Variants in ELAPOR2 observed in about 807,000 individuals in gnomAD.
ELAPOR2 encodes the protein endosome-lysosome associated apoptosis and autophagy regulator family member 2, also known as endosome/lysosome-associated apoptosis and autophagy regulator family member 2.
Under a neutral mutation model 120.7 loss-of-function variants are expected in ELAPOR2, and 89 were observed. That is an observed-to-expected ratio of 0.74 (90% CI 0.62 to 0.88). The LOEUF (loss-of-function observed/expected upper bound fraction) is 0.88, where lower values mean the gene tolerates loss of function less well. Ranked by LOEUF, ELAPOR2 falls within the 40% of genes least tolerant of loss-of-function variation. ELAPOR2 has a pLI of 0.00. For synonymous variants in ELAPOR2, 444 were observed against 444.9 expected (o/e 1.00, Z 0.03); for missense variants, 1,134 against 1,251.6 (o/e 0.91, Z 1.42).
At chr7:87,036,910 A>G (rs1396488590) in intron 1 of ELAPOR2, among the ~76,000 whole-genome samples, 1 of 152,146 alleles carries the variant, frequency 6.6e-6, no homozygotes, top group African/African-American at 2.4e-5. Context: ...CAAACGTACA[A>G]ATGTACCCCA....
intron 1 of ELAPOR2, among the ~76,000 whole-genome samples, chr7:87,002,988 A>G (rs1221735120): frequency 6.6e-6 from 1 of 152,112 alleles, no homozygotes; most frequent in African/African-American, 2.4e-5. Flanking sequence ...GGCGCTCCTA[A>G]GAGGAGGAAG....
At chr7:86,960,758 T>C (rs1309087006) in intron 2 of ELAPOR2, among the ~76,000 whole-genome samples, 2 of 152,214 alleles carry the variant, frequency 1.3e-5, no homozygotes. Flanking sequence ...TTTATCATTA[T>C]GTAATTAACT....
intron 1 of ELAPOR2, among the ~76,000 whole-genome samples, chr7:86,976,787 C>T (rs1792296791): frequency 6.6e-6 from 1 of 152,110 alleles, no homozygotes; most frequent in Admixed American, 6.5e-5. Flanking sequence ...CTTGGATATA[C>T]AAAGAACAAG....
Position 86,879,623 on chromosome 7 carries a change from T to C in ELAPOR2, c.*848A>G, listed in dbSNP as rs1799305599. On this transcript the variant is annotated 3_prime_UTR_variant, in exon 22 of 22. Transcript: ENST00000450689. ...ACAAACCTTCTCACTCTCTTCTTCA[T>C]GATTTTGCCAGTGATTTGATTGACA... The C allele has an allele frequency of 6.6e-6, 1 of 152,188 alleles. No individual in the cohort carries two copies. Among genetic ancestry groups the C allele is most frequent in the Non-Finnish European group, 1.5e-5 (1 of 68,024 alleles). The allele number at this position is 152,188 out of a possible 1,614,324, so 9.4% of individuals were successfully genotyped here.
chr7:86,905,117 AGG>A (rs1205743155), intron 18 of ELAPOR2, among the ~76,000 whole-genome samples: 34 of 149,688 alleles, frequency 2.3e-4, no homozygotes, highest in African/African-American at 7.2e-4. Context: ...GAAGGAAGGA[AGG>A]AAGGAAGGAA....
At chr7:87,034,808 C>A (rs955227134) in intron 1 of ELAPOR2, among the ~76,000 whole-genome samples, 3 of 152,050 alleles carry the variant, frequency 2.0e-5, no homozygotes, top group Admixed American at 1.3e-4. Flanking sequence ...TGTGGCCAGG[C>A]GCAGTGGCTC....
chr7:86,893,197 A>G (rs1788264626), intron 19 of ELAPOR2, 97 bp from the exon 20 acceptor site: 2 of 961,568 alleles, frequency 2.1e-6, no homozygotes, highest in East Asian at 5.7e-5. Context: ...TTTCTTACAT[A>G]AAAGAAGAAA....
At chr7:86,901,324 T>C (rs1351897670) in intron 18 of ELAPOR2, among the ~76,000 whole-genome samples, 1 of 152,218 alleles carries the variant, frequency 6.6e-6, no homozygotes, top group African/African-American at 2.4e-5. Context: ...ATTAACCTTT[T>C]TTAGGAAGTT....
intron 1 of ELAPOR2, among the ~76,000 whole-genome samples, chr7:87,008,264 T>C (rs992500363): frequency 2.0e-5 from 3 of 152,176 alleles, no homozygotes; most frequent in African/African-American, 7.2e-5. Context: ...ACAGACATTC[T>C]ACAAAATAAC....
At chr7:87,032,102 T>C (rs905434453) in intron 1 of ELAPOR2, among the ~76,000 whole-genome samples, 2 of 152,168 alleles carry the variant, frequency 1.3e-5, no homozygotes, top group Admixed American at 6.5e-5. Flanking sequence ...ATCTTGATTA[T>C]GACAATAGTT....
At chr7:86,946,463 C>T (rs11767951) in intron 3 of ELAPOR2, among the ~76,000 whole-genome samples, 5 of 152,092 alleles carry the variant, frequency 3.3e-5, no homozygotes, top group Admixed American at 1.3e-4. Flanking sequence ...CTCAGCTCAC[C>T]GCAACCTCTG....
At chr7:87,042,468 G>T (rs561342059) in intron 1 of ELAPOR2, among the ~76,000 whole-genome samples, 1 of 151,508 alleles carries the variant, frequency 6.6e-6, no homozygotes, top group African/African-American at 2.4e-5. Context: ...ACTCAAAACC[G>T]CTCAACTACA....
At chr7:86,963,751 C>G (rs1204914914) in intron 2 of ELAPOR2, among the ~76,000 whole-genome samples, 1 of 152,194 alleles carries the variant, frequency 6.6e-6, no homozygotes, top group Non-Finnish European at 1.5e-5. Flanking sequence ...TCCTCTGTCA[C>G]TGAGAGCTCA....
intron 1 of ELAPOR2, among the ~76,000 whole-genome samples, chr7:87,013,028 T>C (rs1385758688): frequency 6.6e-6 from 1 of 152,210 alleles, no homozygotes; most frequent in Non-Finnish European, 1.5e-5. Context: ...AAAGAAGCAC[T>C]TTGCAAACTT....
At chr7:86,902,952 A>G (rs1237553970) in intron 18 of ELAPOR2, among the ~76,000 whole-genome samples, 3 of 152,174 alleles carry the variant, frequency 2.0e-5, no homozygotes, top group Non-Finnish European at 2.9e-5. Flanking sequence ...GAATATGAAC[A>G]TAAGATTTTT....
At chr7:86,951,927 A>C (rs1449407579) in intron 2 of ELAPOR2, among the ~76,000 whole-genome samples, 2 of 152,210 alleles carry the variant, frequency 1.3e-5, no homozygotes, top group Non-Finnish European at 2.9e-5. Context: ...GCCCTCTTGT[A>C]CTTAGGAACA....
intron 1 of ELAPOR2, among the ~76,000 whole-genome samples, chr7:87,031,993 C>T (rs1432537160): frequency 2.0e-5 from 3 of 152,098 alleles, no homozygotes; most frequent in Non-Finnish European, 4.4e-5. Flanking sequence ...GCAACTGAAT[C>T]TGTAGTGACA....
Position 86,914,731 on chromosome 7 carries a change from C to T in ELAPOR2, c.1723G>A (p.Gly575Ser). The change falls in exon 13 of 22, where the codon GGT becomes AGT. Residue 575 changes from glycine (G) to serine (S), a missense_variant. Gly to Ser is a moderately conservative substitution (Grantham distance 56). Around this residue, in one of 3 missense-constraint regions of ELAPOR2, gnomAD observed 831 missense variants for 867.6 expected, o/e 0.96. Transcript: ENST00000450689. ...AAGTGCTTGGAACTTACATCTTGAC[C>T]CTGATTAGTTCTCTGGAATGCCCAT... ...FTWAFQRTNQ[G>S]QDNRRFINDM... 1.2e-6 allele frequency: 2 copies of T among 1,605,032 alleles called. No individual in the cohort carries two copies. Among genetic ancestry groups the T allele is most frequent in the Non-Finnish European group, 1.7e-6 (2 of 1,175,970 alleles).
chr7:86,939,254 C>T (rs1417278041), intron 6 of ELAPOR2, among the ~76,000 whole-genome samples: 1 of 152,066 alleles, frequency 6.6e-6, no homozygotes, highest in Non-Finnish European at 1.5e-5. Context: ...CCCTAAGGTT[C>T]CCTCCAATTC....
Sources: allele counts gnomAD v4.1 joint callset (sites outside exome capture counted in the v4.1 genomes callset), GRCh38; gene constraint gnomAD v4.1.1; regional missense constraint gnomAD v4.1.1; transcripts MANE v1.5; gene names NCBI Gene and HGNC (gene_info 2026-07-23, HGNC 2026-07-21).